COL21A1: variants seen among roughly 807,000 people sequenced by gnomAD.
The protein encoded by COL21A1 is collagen type XXI alpha 1 chain, also known as collagen alpha-1(XXI) chain.
Under a neutral mutation model 137.9 loss-of-function variants are expected in COL21A1, and 149 were observed. The observed-to-expected ratio is 1.08, with a 90% confidence interval of 0.95 to 1.24. COL21A1 has a LOEUF of 1.24. Ranked by LOEUF, COL21A1 falls within the 50% of genes most tolerant of loss-of-function variation. The pLI, the probability that COL21A1 is intolerant of heterozygous loss-of-function variation, is 0.00. For synonymous variants in COL21A1, 456 were observed against 391.5 expected, an observed-to-expected ratio of 1.16 and a Z score of -1.95; for missense variants, 1,167 against 1,158.4, an observed-to-expected ratio of 1.01 and a Z score of -0.11.
At chr6:56,281,337 G>A (rs999356136) in intron 1 of COL21A1, among the ~76,000 whole-genome samples, 1 of 152,080 alleles carries the variant, frequency 6.6e-6, no homozygotes, top group African/African-American at 2.4e-5. Flanking sequence ...TCACATTTAA[G>A]TCATAAATAG....
Position 56,270,620 on chromosome 6 carries a change from A to G in COL21A1, c.-38-87964T>C, listed in dbSNP as rs1230832985. ...CCACCAGTCACAGAATATACAAGAAACATCCTGGTATGTTTCTCTCACCCT... is the reference window on the plus strand; with the variant it reads ...CCACCAGTCACAGAATATACAAGAAGCATCCTGGTATGTTTCTCTCACCCT... On this transcript the variant is annotated intron_variant, in intron 1 of 28. Transcript: ENST00000370819. Among the ~76,000 whole-genome samples, 3 of 152,258 alleles carry G rather than the reference A, an allele frequency of 2.0e-5. No homozygotes were observed. The East Asian group carries it at 5.8e-4, about 29-fold the overall frequency.
At chr6:56,270,479 AC>A (rs1324342361) in intron 1 of COL21A1, among the ~76,000 whole-genome samples, 1 of 152,246 alleles carries the variant, frequency 6.6e-6, no homozygotes, top group Non-Finnish European at 1.5e-5. Context: ...GGAGACTTCT[AC>A]ATCCCACTGA....
intron 17 of COL21A1, among the ~76,000 whole-genome samples, chr6:56,090,421 G>A (rs937963426): frequency 3.3e-5 from 5 of 152,090 alleles, no homozygotes; most frequent in African/African-American, 1.2e-4. Flanking sequence ...ATTAAACCTG[G>A]TGGGACTTTA....
chr6:56,068,758 T>C (rs1379869629), intron 22 of COL21A1: 1 of 209,804 alleles, frequency 4.8e-6, no homozygotes, highest in Non-Finnish European at 9.4e-6. Context: ...CCCTGGTTTG[T>C]GAAAAAAACC....
chr6:56,366,265 C>G (rs1328058320), intron 1 of COL21A1, among the ~76,000 whole-genome samples: 2 of 152,172 alleles, frequency 1.3e-5, no homozygotes, highest in Non-Finnish European at 2.9e-5. Context: ...ACAGCCTCGC[C>G]AAGTCTGAGC....
chr6:56,182,391 T>C (rs1472165801), intron 2 of COL21A1, 140 bp downstream of exon 2: 7 of 616,950 alleles, frequency 1.1e-5, no homozygotes, highest in Admixed American at 2.8e-5. Flanking sequence ...ATGAGTAACA[T>C]AGCAATTCAT....
intron 1 of COL21A1, among the ~76,000 whole-genome samples, chr6:56,289,340 T>C (rs944951159): frequency 6.6e-6 from 1 of 152,212 alleles, no homozygotes; most frequent in Non-Finnish European, 1.5e-5. Context: ...ACAAAGTACA[T>C]AACATCTAAG....
chr6:56,158,068 G>A (rs1208420493), intron 9 of COL21A1, among the ~76,000 whole-genome samples: 2 of 152,184 alleles, frequency 1.3e-5, no homozygotes, highest in East Asian at 3.9e-4. Flanking sequence ...CACTTTTTGT[G>A]AGGTGAGGGT....
rs550043263 is a variant in COL21A1, at chr6:56,379,572, T to C, written c.-39+14399A>G. 5.3e-5 allele frequency among the ~76,000 whole-genome samples: 8 copies of C among 152,312 alleles called. No homozygotes were observed. In the South Asian group the frequency reaches 1.7e-3, roughly 32 times the overall value. On this transcript the variant is annotated intron_variant, in intron 1 of 28. Transcript: ENST00000370819. ...TAAAGCAATACTGCATACTCTCTTC[T>C]ACCTCCTCCTCATCCTACGTTCCTG...
At chr6:56,391,199 A>C (rs1442695627) in intron 1 of COL21A1, among the ~76,000 whole-genome samples, 1 of 152,180 alleles carries the variant, frequency 6.6e-6, no homozygotes, top group Admixed American at 6.5e-5. Flanking sequence ...ATGGAAATTA[A>C]ACATTACACT....
At chr6:56,223,191 A>G (rs188078170) in intron 1 of COL21A1, among the ~76,000 whole-genome samples, 2 of 152,238 alleles carry the variant, frequency 1.3e-5, no homozygotes, top group Admixed American at 6.5e-5. Context: ...CAAGCTGATC[A>G]TGACTGACAG....
intron 1 of COL21A1, among the ~76,000 whole-genome samples, chr6:56,322,906 A>G (rs1209629917): frequency 6.8e-6 from 1 of 146,616 alleles, no homozygotes; most frequent in Non-Finnish European, 1.5e-5. Context: ...AAAAAAGTCA[A>G]GTCATCAAAG....
intron 12 of COL21A1, among the ~76,000 whole-genome samples, chr6:56,136,276 G>A (rs62413474): frequency 0.15 from 22,792 of 152,072 alleles, 1,723 homozygotes; most frequent in Middle Eastern, 0.22. Context: ...TAAGCCACAA[G>A]CATGTGGGTT....
At chr6:56,151,440 C>T (rs1042714201) in intron 10 of COL21A1, among the ~76,000 whole-genome samples, 1 of 152,102 alleles carries the variant, frequency 6.6e-6, no homozygotes, top group Admixed American at 6.5e-5. Context: ...TTTCCCCTAC[C>T]TCTTTTGTAA....
chr6:56,057,868 G>T, intron 29 of COL21A1, 24 bp from the exon 30 acceptor site: 2 of 1,459,520 alleles, frequency 1.4e-6, no homozygotes, highest in Non-Finnish European at 1.8e-6. Context: ...TTGGCAAGAC[G>T]TAAACAGAGG....
chr6:56,175,279 A>T (rs1234849550), intron 3 of COL21A1, among the ~76,000 whole-genome samples: 1 of 152,138 alleles, frequency 6.6e-6, no homozygotes, highest in Non-Finnish European at 1.5e-5. Flanking sequence ...ACATTGTACT[A>T]GCCAGAGGAA....
At chr6:56,150,386 C>T (rs928372112) in intron 10 of COL21A1, among the ~76,000 whole-genome samples, 10 of 152,052 alleles carry the variant, frequency 6.6e-5, no homozygotes, top group Admixed American at 3.3e-4. Flanking sequence ...GGCGTGGTGG[C>T]GGGCGCTTGT....
chr6:56,304,860 G>A lies in COL21A1; in HGVS notation c.-39+89111C>T, dbSNP rs1764402410. Among the ~76,000 whole-genome samples the A allele has an allele frequency of 2.0e-5, 3 of 152,212 alleles. No homozygotes were observed. The South Asian group carries it at 6.2e-4, about 32-fold the overall frequency. On this transcript the variant is annotated intron_variant, in intron 1 of 28. Coordinates refer to the COL21A1 transcript ENST00000370819. ...TTTTAGATCTTTCCTGCTTTCTCTTGTGGACATTTAGTGCTATAAATTTCC... is the reference window on the plus strand; with the variant it reads ...TTTTAGATCTTTCCTGCTTTCTCTTATGGACATTTAGTGCTATAAATTTCC...
intron 5 of COL21A1, among the ~76,000 whole-genome samples, chr6:56,169,465 G>A (rs1023553583): frequency 1.3e-4 from 19 of 151,900 alleles, no homozygotes; most frequent in African/African-American, 4.3e-4. Context: ...ACTGAATAAA[G>A]TCCAAACCAC....
Sources: gnomAD v4.1 joint callset for allele counts (sites outside exome capture counted in the v4.1 genomes callset) on GRCh38, gnomAD v4.1.1 for gene constraint, MANE v1.5 for transcripts, NCBI Gene and HGNC (gene_info 2026-07-23, HGNC 2026-07-21) for gene names.